Variants in THSD7A observed in about 807,000 individuals in gnomAD.
The protein encoded by THSD7A is thrombospondin type 1 domain containing 7A.
A neutral mutation model predicts 231.3 loss-of-function variants in THSD7A; 96 were observed. The ratio of observed to expected loss-of-function variants is 0.41; its 90% CI spans 0.35 to 0.49. The LOEUF (loss-of-function observed/expected upper bound fraction) is 0.49, where lower values mean the gene tolerates loss of function less well. THSD7A is among the 20% of genes least tolerant of loss of function. The probability of loss-of-function intolerance (pLI) is 0.05; values close to 1 mark genes in which losing one functional copy is unlikely to be tolerated. For missense variants in THSD7A, 2,290 were observed against 2,070.2 expected (o/e 1.11, Z -2.06); for synonymous variants, 940 against 743.3 (o/e 1.26, Z -4.30).
chr7:11,585,806 A>G (rs1476730819), intron 4 of THSD7A, among the ~76,000 whole-genome samples: 1 of 152,112 alleles, frequency 6.6e-6, no homozygotes, highest in African/African-American at 2.4e-5. Flanking sequence ...GACTCCGTAG[A>G]CATGCCAATT....
chr7:11,521,371 A>G (rs1479599895), intron 6 of THSD7A, among the ~76,000 whole-genome samples: 1 of 152,062 alleles, frequency 6.6e-6, no homozygotes, highest in Non-Finnish European at 1.5e-5. Context: ...TTTAAAGAAA[A>G]ATTGCTAATT....
At position 11,562,599 on chromosome 7, in the gene THSD7A, T is replaced by C. The variant is rs1790121247; in HGVS notation, c.1454-19482A>G. On this transcript the variant is annotated intron_variant, in intron 4 of 27. Coordinates refer to ENST00000423059, the MANE Select transcript of THSD7A (RefSeq NM_015204.3). Reference sequence around the variant, plus strand: ...AAATACAAGGAAATTCTCTTGGATTTAAACCTTCATTTCTGTATAGGAACT... The same window carrying C: ...AAATACAAGGAAATTCTCTTGGATTCAAACCTTCATTTCTGTATAGGAACT... Among the ~76,000 whole-genome samples the C allele has an allele frequency of 1.3e-5, 2 of 152,214 alleles. 1 individual carries two copies. Among genetic ancestry groups the C allele is most frequent in the South Asian group, 4.1e-4 (2 of 4,828 alleles).
At chr7:11,793,335 A>G (rs1784017222) in intron 1 of THSD7A, among the ~76,000 whole-genome samples, 1 of 151,936 alleles carries the variant, frequency 6.6e-6, no homozygotes, top group African/African-American at 2.4e-5. Context: ...GGTAATAGAA[A>G]AATATAAAGG....
chr7:11,769,045 C>G (rs1337646539), intron 1 of THSD7A, among the ~76,000 whole-genome samples: 1 of 143,652 alleles, frequency 7.0e-6, no homozygotes, highest in African/African-American at 2.6e-5. Flanking sequence ...GCAACCTCTG[C>G]CTCCTGGATT....
intron 11 of THSD7A, among the ~76,000 whole-genome samples, chr7:11,459,314 C>G (rs1785416038): frequency 6.6e-6 from 1 of 152,020 alleles, no homozygotes; most frequent in Non-Finnish European, 1.5e-5. Flanking sequence ...CAAACTCATG[C>G]TCATTTTCAT....
intron 1 of THSD7A, among the ~76,000 whole-genome samples, chr7:11,656,785 T>A (rs947391976): frequency 6.6e-6 from 1 of 151,886 alleles, no homozygotes; most frequent in Non-Finnish European, 1.5e-5. Flanking sequence ...CTTTCTGAGT[T>A]GAGAAATACC....
At chr7:11,743,842 T>C (rs1165298932) in intron 1 of THSD7A, among the ~76,000 whole-genome samples, 1 of 151,756 alleles carries the variant, frequency 6.6e-6, no homozygotes, top group Non-Finnish European at 1.5e-5. Context: ...ATTACAGGAG[T>C]CTTGACTTTT....
intron 1 of THSD7A, among the ~76,000 whole-genome samples, chr7:11,733,242 G>T (rs904736537): frequency 3.6e-4 from 55 of 151,784 alleles, no homozygotes; most frequent in Non-Finnish European, 6.9e-4. Flanking sequence ...GACTGTAAGT[G>T]TAAGCTATTC....
intron 17 of THSD7A, among the ~76,000 whole-genome samples, chr7:11,413,425 C>G (rs1433271020): frequency 1.3e-5 from 2 of 151,780 alleles, no homozygotes; most frequent in East Asian, 2.0e-4. Flanking sequence ...TATACAGAAA[C>G]AAGCCCTTTG....
At chr7:11,416,127 A>ATC (rs1783951628) in intron 17 of THSD7A, among the ~76,000 whole-genome samples, 1 of 152,168 alleles carries the variant, frequency 6.6e-6, no homozygotes, top group Non-Finnish European at 1.5e-5. Flanking sequence ...TCCTATCCAA[A>ATC]CATTCCTATT....
At chr7:11,617,704 A>G (rs1781155695) in intron 2 of THSD7A, among the ~76,000 whole-genome samples, 2 of 152,154 alleles carry the variant, frequency 1.3e-5, no homozygotes, top group African/African-American at 4.8e-5. Context: ...TTAGATGTTA[A>G]TGTCTTTGTA....
intron 2 of THSD7A, among the ~76,000 whole-genome samples, chr7:11,619,751 A>G (rs184277920): frequency 7.4e-4 from 112 of 152,230 alleles, no homozygotes; most frequent in African/African-American, 2.6e-3. Flanking sequence ...ATGATAGACA[A>G]TATGAAGAAA....
intron 6 of THSD7A, among the ~76,000 whole-genome samples, chr7:11,501,974 A>T (rs1787356169): frequency 6.6e-6 from 1 of 152,192 alleles, no homozygotes; most frequent in African/African-American, 2.4e-5. Context: ...AAATATAAGT[A>T]TGACCATCAG....
At chr7:11,559,214 A>T (rs998760468) in intron 4 of THSD7A, among the ~76,000 whole-genome samples, 3 of 152,152 alleles carry the variant, frequency 2.0e-5, no homozygotes, top group African/African-American at 7.2e-5. Context: ...CTCCAGAAAG[A>T]AATGGAACCC....
intron 6 of THSD7A, among the ~76,000 whole-genome samples, chr7:11,522,720 A>C (rs2128316766): frequency 6.6e-6 from 1 of 152,324 alleles, no homozygotes; most frequent in African/African-American, 2.4e-5. Context: ...AGCTCTTTTA[A>C]AATTCCTATC....
chr7:11,821,731 C>A (rs954161960), intron 1 of THSD7A, among the ~76,000 whole-genome samples: 1 of 152,106 alleles, frequency 6.6e-6, no homozygotes, highest in African/African-American at 2.4e-5. Flanking sequence ...ACAAAATTAC[C>A]CTACTGCATG....
chr7:11,769,151 A>ATTTTTTTCTTTTTTTT (rs1422492872), intron 1 of THSD7A, among the ~76,000 whole-genome samples: 40 of 35,442 alleles, frequency 1.1e-3, no homozygotes, highest in Non-Finnish European at 2.2e-3. Flanking sequence ...ATATATATAT[A>ATTTTTTTCTTTTTTTT]TATTTTTTTT....
At chr7:11,779,914 A>T (rs917519445) in intron 1 of THSD7A, among the ~76,000 whole-genome samples, 1 of 152,238 alleles carries the variant, frequency 6.6e-6, no homozygotes, top group African/African-American at 2.4e-5. Flanking sequence ...AACCAGAATC[A>T]CAAATGCCCT....
chr7:11,554,797 C>T (rs934751318), intron 4 of THSD7A, among the ~76,000 whole-genome samples: 4 of 151,796 alleles, frequency 2.6e-5, no homozygotes, highest in African/African-American at 9.7e-5. Flanking sequence ...TGTAGAAATG[C>T]TCTATTTCAT....
Sources: allele counts gnomAD v4.1 joint callset (sites outside exome capture counted in the v4.1 genomes callset), GRCh38; gene constraint gnomAD v4.1.1; transcripts MANE v1.5; gene names NCBI Gene and HGNC (gene_info 2026-07-23, HGNC 2026-07-21).